The following SSBP3 variants were observed in gnomAD, a reference collection of about 807,000 sequenced individuals.
The protein encoded by SSBP3 is single stranded DNA binding protein 3, also known as single-stranded DNA-binding protein 3.
SSBP3 carries 5 observed loss-of-function variants against 69.6 expected under a neutral mutation model. That is an observed-to-expected ratio of 0.07 (90% CI 0.04 to 0.15). The LOEUF (loss-of-function observed/expected upper bound fraction) is 0.15. SSBP3 is among the 10% of genes least tolerant of loss of function. The pLI is 1.00. For synonymous variants in SSBP3, 196 were observed against 193.4 expected (o/e 1.01, Z -0.11); for missense variants, 312 against 534.0 (o/e 0.58, Z 4.10).
At chr1:54,300,164 C>T (rs1343945440) in intron 4 of SSBP3, among the ~76,000 whole-genome samples, 1 of 152,158 alleles carries the variant, frequency 6.6e-6, no homozygotes, top group Non-Finnish European at 1.5e-5. Context: ...TGGCCAGAGT[C>T]TTCATTGACT....
At chr1:54,386,380 G>A (rs989595522) in intron 4 of SSBP3, among the ~76,000 whole-genome samples, 3 of 152,170 alleles carry the variant, frequency 2.0e-5, no homozygotes, top group African/African-American at 7.2e-5. Context: ...AGCACCTTAT[G>A]GAGCGGTCCA....
chr1:54,345,798 G>A (rs1024872387), intron 4 of SSBP3, among the ~76,000 whole-genome samples: 3 of 151,856 alleles, frequency 2.0e-5, no homozygotes, highest in African/African-American at 7.3e-5. Context: ...CTGAGCTCAG[G>A]AGTTTGAGAC....
chr1:54,360,266 A>C (rs1022577944), intron 4 of SSBP3, among the ~76,000 whole-genome samples: 6 of 152,240 alleles, frequency 3.9e-5, no homozygotes, highest in African/African-American at 1.2e-4. Flanking sequence ...GAGGAAGAGG[A>C]AAGTTAGAGC....
chr1:54,364,803 T>C (rs893063593), intron 4 of SSBP3, among the ~76,000 whole-genome samples: 4 of 152,202 alleles, frequency 2.6e-5, no homozygotes, highest in Admixed American at 2.0e-4. Context: ...GATGGTGAAC[T>C]TGGCAGTATC....
rs184413487 is a variant in SSBP3 at position 54,264,349 on chromosome 1, G to A, written c.367-6200C>T. Reference sequence around the variant, plus strand: ...ACCAAGAACAAAATAAACCTACACCGATTTTTTAAAGGAGAAAATAAGCTA... The same window carrying A: ...ACCAAGAACAAAATAAACCTACACCAATTTTTTAAAGGAGAAAATAAGCTA... On this transcript the variant is annotated intron_variant, in intron 5 of 17. Coordinates refer to ENST00000610401, the Ensembl canonical transcript of SSBP3. 1.1e-4 allele frequency among the ~76,000 whole-genome samples: 16 copies of A among 152,270 alleles called. No individual in the cohort carries two copies. In the East Asian group the frequency reaches 2.9e-3, roughly 28 times the overall value.
At chr1:54,376,932 A>G (rs1220691402) in intron 4 of SSBP3, among the ~76,000 whole-genome samples, 4 of 152,174 alleles carry the variant, frequency 2.6e-5, no homozygotes, top group Non-Finnish European at 1.5e-5. Context: ...TCACACACAA[A>G]GAGCCTGGCC....
chr1:54,250,937 G>A (rs926203685), intron 9 of SSBP3, among the ~76,000 whole-genome samples: 2 of 152,174 alleles, frequency 1.3e-5, no homozygotes, highest in South Asian at 2.1e-4. Flanking sequence ...TGTTGTGACC[G>A]TAAGAGGTAT....
At chr1:54,286,137 G>T (rs553944375) in intron 4 of SSBP3, among the ~76,000 whole-genome samples, 2 of 152,068 alleles carry the variant, frequency 1.3e-5, no homozygotes, top group Non-Finnish European at 2.9e-5. Flanking sequence ...ACACTACCGA[G>T]AGACCTGTTA....
intron 9 of SSBP3, among the ~76,000 whole-genome samples, chr1:54,250,133 G>T (rs1265377336): frequency 1.3e-5 from 2 of 152,226 alleles, no homozygotes; most frequent in Non-Finnish European, 2.9e-5. Context: ...GCAGAGGTCA[G>T]CTCCAGGCGG....
chr1:54,356,147 A>G (rs1379511434), intron 4 of SSBP3, among the ~76,000 whole-genome samples: 1 of 152,130 alleles, frequency 6.6e-6, no homozygotes, highest in African/African-American at 2.4e-5. Context: ...TGCCGGCTGA[A>G]CTTCCCCATA....
At chr1:54,304,944 T>C (rs552809560) in intron 4 of SSBP3, among the ~76,000 whole-genome samples, 9 of 151,584 alleles carry the variant, frequency 5.9e-5, no homozygotes, top group African/African-American at 2.2e-4. Context: ...ACCGACACCA[T>C]GAGGAAGCGA....
At chr1:54,366,322 G>C (rs1309099273) in intron 4 of SSBP3, among the ~76,000 whole-genome samples, 1 of 152,164 alleles carries the variant, frequency 6.6e-6, no homozygotes, top group Non-Finnish European at 1.5e-5. Context: ...ACCTGGTACA[G>C]TATATTTGCA....
chr1:54,381,199 A>G (rs1191931662), intron 4 of SSBP3, among the ~76,000 whole-genome samples: 1 of 152,058 alleles, frequency 6.6e-6, no homozygotes, highest in Non-Finnish European at 1.5e-5. Flanking sequence ...CCTGGCCAAC[A>G]TGGTGAAATT....
intron 4 of SSBP3, chr1:54,286,914 A>C (rs981575567): frequency 2.6e-5 from 4 of 152,228 alleles, no homozygotes; most frequent in Admixed American, 6.5e-5. Flanking sequence ...AGAGTACCCC[A>C]AATTCCAGGA....
At chr1:54,310,102 C>T (rs1188371360) in intron 4 of SSBP3, among the ~76,000 whole-genome samples, 3 of 152,154 alleles carry the variant, frequency 2.0e-5, no homozygotes, top group Non-Finnish European at 4.4e-5. Context: ...ACTCCAAGGG[C>T]CCCAGCACCA....
chr1:54,309,843 A>G (rs1645966995), intron 4 of SSBP3, among the ~76,000 whole-genome samples: 1 of 152,238 alleles, frequency 6.6e-6, no homozygotes, highest in African/African-American at 2.4e-5. Context: ...AGGACAAAGA[A>G]GAGGCCAGGT....
chr1:54,254,841 CT>C (rs111450481), intron 7 of SSBP3, among the ~76,000 whole-genome samples: 2 of 151,322 alleles, frequency 1.3e-5, no homozygotes, highest in African/African-American at 4.8e-5. Context: ...CTTTTTTCTT[CT>C]TTTTTTTTGA....
chr1:54,411,234 C>T (rs1649981674), upstream of SSBP3, among the ~76,000 whole-genome samples: 1 of 152,166 alleles, frequency 6.6e-6, no homozygotes, highest in Non-Finnish European at 1.5e-5. Context: ...AATCTCAGCA[C>T]TTTGGGCTGC....
intron 4 of SSBP3, among the ~76,000 whole-genome samples, chr1:54,398,366 C>T (rs1396991857): frequency 6.6e-6 from 1 of 152,218 alleles, no homozygotes; most frequent in Non-Finnish European, 1.5e-5. Context: ...CATTTCTTGG[C>T]CTTCCAAATT....
Sources: gnomAD v4.1 joint callset for allele counts (sites outside exome capture counted in the v4.1 genomes callset) on GRCh38, gnomAD v4.1.1 for gene constraint, MANE v1.5 for transcripts, NCBI Gene and HGNC (gene_info 2026-07-23, HGNC 2026-07-21) for gene names.